The following RGS7 variants were observed in gnomAD, a reference collection of about 807,000 sequenced individuals.
The protein encoded by RGS7 is regulator of G-protein signaling 7.
In RGS7, 27 loss-of-function variants were observed where a neutral mutation model predicts 81.1. The ratio of observed to expected loss-of-function variants is 0.33; its 90% confidence interval spans 0.25 to 0.46. RGS7 has a LOEUF of 0.46. Among genes scored for constraint, RGS7 ranks in the 20% least tolerant of loss-of-function variants. RGS7 has a pLI of 1.00. For synonymous variants in RGS7, 208 were observed against 207.7 expected (o/e 1.00, Z -0.01); for missense variants, 396 against 607.4 (o/e 0.65, Z 3.66).
intron 2 of RGS7, among the ~76,000 whole-genome samples, chr1:241,153,615 C>T (rs2068909361): frequency 1.3e-5 from 2 of 152,252 alleles, no homozygotes; most frequent in Admixed American, 6.5e-5. Flanking sequence ...GTAAGCCCAC[C>T]TCTTTGGGTG....
At chr1:241,225,147 C>T (rs906121546) in intron 2 of RGS7, among the ~76,000 whole-genome samples, 1 of 152,124 alleles carries the variant, frequency 6.6e-6, no homozygotes, top group African/African-American at 2.4e-5. Context: ...TCCTCATCCC[C>T]CTTGTACCCT....
intron 3 of RGS7, among the ~76,000 whole-genome samples, chr1:241,016,391 A>ATG (rs2059231802): frequency 6.6e-6 from 1 of 151,816 alleles, no homozygotes; most frequent in Non-Finnish European, 1.5e-5. Flanking sequence ...GGCGGCATGC[A>ATG]CCTGTAGTCT....
intron 2 of RGS7, chr1:241,305,777 G>A (rs1301818798): frequency 2.0e-5 from 5 of 252,666 alleles, no homozygotes; most frequent in East Asian, 1.4e-4. Context: ...CATGTCTTGC[G>A]CGATTTTGGT....
chr1:240,921,695 C>T (rs948225392), intron 6 of RGS7, among the ~76,000 whole-genome samples: 8 of 151,906 alleles, frequency 5.3e-5, no homozygotes, highest in African/African-American at 1.9e-4. Context: ...ATACATCTAA[C>T]AAAGTATATA....
chr1:241,215,537 T>C (rs2074493032), intron 2 of RGS7, among the ~76,000 whole-genome samples: 1 of 152,150 alleles, frequency 6.6e-6, no homozygotes, highest in African/African-American at 2.4e-5. Context: ...AACCCCTCCT[T>C]CTATGTCTCT....
intron 2 of RGS7, among the ~76,000 whole-genome samples, chr1:241,280,789 G>T (rs1362176166): frequency 6.6e-6 from 1 of 152,210 alleles, no homozygotes; most frequent in East Asian, 1.9e-4. Flanking sequence ...ACAAGCATAA[G>T]CCACTGCACC....
chr1:241,174,109 G>A (rs2070933284), intron 2 of RGS7, among the ~76,000 whole-genome samples: 1 of 152,188 alleles, frequency 6.6e-6, no homozygotes, highest in African/African-American at 2.4e-5. Context: ...TCCACCTTGA[G>A]GTCTGCTGGA....
chr1:241,251,909 A>C (rs1045064686), intron 2 of RGS7, among the ~76,000 whole-genome samples: 1 of 152,136 alleles, frequency 6.6e-6, no homozygotes, highest in Non-Finnish European at 1.5e-5. Flanking sequence ...AGCTCTGTAA[A>C]GAGTAAAACA....
At chr1:241,077,424 G>A (rs1036950109) in intron 3 of RGS7, among the ~76,000 whole-genome samples, 2 of 152,168 alleles carry the variant, frequency 1.3e-5, no homozygotes, top group Non-Finnish European at 2.9e-5. Flanking sequence ...TTGGAGAGAA[G>A]GGATGGGCAT....
chr1:241,266,592 T>C (rs1207432037), intron 2 of RGS7, among the ~76,000 whole-genome samples: 1 of 152,258 alleles, frequency 6.6e-6, no homozygotes, highest in African/African-American at 2.4e-5. Flanking sequence ...CTTTTCCATT[T>C]GGGGCCAGGC....
intron 2 of RGS7, among the ~76,000 whole-genome samples, chr1:241,209,164 G>T (rs982955826): frequency 1.3e-5 from 2 of 152,100 alleles, no homozygotes; most frequent in African/African-American, 4.8e-5. Flanking sequence ...CACTGTCTGG[G>T]GCACTGTCTG....
intron 2 of RGS7, among the ~76,000 whole-genome samples, chr1:241,284,343 A>C (rs2078681474): frequency 6.6e-6 from 1 of 151,992 alleles, no homozygotes; most frequent in East Asian, 1.9e-4. Flanking sequence ...TGGAGGTAGA[A>C]GTCTAGTTTT....
chr1:240,972,481 G>A (rs184191283), intron 4 of RGS7, among the ~76,000 whole-genome samples: 3 of 132,744 alleles, frequency 2.3e-5, no homozygotes, highest in Non-Finnish European at 4.7e-5. Flanking sequence ...TCACTCATAG[G>A]TGGGAATTGA....
intron 2 of RGS7, among the ~76,000 whole-genome samples, chr1:241,190,702 C>T (rs1309152465): frequency 6.6e-6 from 1 of 151,876 alleles, no homozygotes; most frequent in African/African-American, 2.4e-5. Flanking sequence ...TTTATCAGTT[C>T]TGTGGATGTT....
intron 2 of RGS7, among the ~76,000 whole-genome samples, chr1:241,245,799 T>C (rs2686222): frequency 0.15 from 22,247 of 146,818 alleles, 1,829 homozygotes; most frequent in African/African-American, 0.22. Context: ...ACAGCGAGAC[T>C]CCACCTCAAA....
At chr1:241,312,939 C>T (rs1389305613) in intron 2 of RGS7, among the ~76,000 whole-genome samples, 1 of 152,054 alleles carries the variant, frequency 6.6e-6, no homozygotes, top group Non-Finnish European at 1.5e-5. Context: ...GAGAGTGAAA[C>T]GGCCTTATTG....
chr1:240,824,348 T>C (rs1006375751), intron 10 of RGS7, among the ~76,000 whole-genome samples: 2 of 152,238 alleles, frequency 1.3e-5, no homozygotes, highest in African/African-American at 4.8e-5. Context: ...GCTACGAGCA[T>C]TATCTGCTTT....
intron 2 of RGS7, among the ~76,000 whole-genome samples, chr1:241,333,768 A>G (rs1360765970): frequency 6.6e-6 from 1 of 152,078 alleles, no homozygotes; most frequent in Non-Finnish European, 1.5e-5. Flanking sequence ...AATATACTCT[A>G]TTAGCAAGAT....
intron 5 of RGS7, among the ~76,000 whole-genome samples, chr1:240,930,992 T>G (rs949886244): frequency 6.6e-6 from 1 of 152,198 alleles, no homozygotes; most frequent in Non-Finnish European, 1.5e-5. Context: ...CAAGCAGGTA[T>G]TTAGAATGTC....
Sources: gnomAD v4.1 joint callset for allele counts (sites outside exome capture counted in the v4.1 genomes callset) on GRCh38, gnomAD v4.1.1 for gene constraint, MANE v1.5 for transcripts, NCBI Gene and HGNC (gene_info 2026-07-23, HGNC 2026-07-21) for gene names.